FCER2: variants seen among roughly 807,000 people sequenced by gnomAD.
The protein encoded by FCER2 is Fc epsilon receptor II.
A neutral mutation model predicts 49.7 loss-of-function variants in FCER2; 38 were observed. The ratio of observed to expected loss-of-function variants is 0.76; its 90% CI spans 0.59 to 1.00. The LOEUF (loss-of-function observed/expected upper bound fraction) is 1.00, where lower values mean the gene tolerates loss of function less well. FCER2 is among the 50% of genes least tolerant of loss of function. FCER2 has a pLI of 0.00. For missense variants in FCER2, 425 were observed against 419.5 expected, an observed-to-expected ratio of 1.01 and a Z score of -0.11; for synonymous variants, 163 against 164.6, an observed-to-expected ratio of 0.99 and a Z score of 0.07.
chr19:7,689,633 ATTTT>A (rs532956881), intron 10 of FCER2, among the ~76,000 whole-genome samples: 331 of 151,992 alleles, frequency 2.2e-3, no homozygotes, highest in Non-Finnish European at 3.2e-3. Flanking sequence ...TTATTTATTT[ATTTT>A]GTTGAGACAG....
intron 2 of FCER2, 80 bp downstream of exon 2, chr19:7,699,659 G>GT: frequency 2.9e-6 from 4 of 1,395,820 alleles, no homozygotes; most frequent in Non-Finnish European, 4.1e-6. Context: ...GGACTGGGGA[G>GT]CCCCGCTTCT....
At chr19:7,693,304 G>A (rs2032929936) in intron 8 of FCER2, among the ~76,000 whole-genome samples, 1 of 152,138 alleles carries the variant, frequency 6.6e-6, no homozygotes, top group African/African-American at 2.4e-5. Context: ...TTGGTCAGGA[G>A]AGCCAATGGG....
Position 7,699,442 on chromosome 19 carries a change from G to A in FCER2, c.22+297C>T, listed in dbSNP as rs1383982208. On this transcript the variant is annotated intron_variant, in intron 2 of 10. Coordinates refer to ENST00000597921, the MANE Select transcript of FCER2 (RefSeq NM_001220500.2). ...CAAGTTCCTGTTCTATTTGGCCTCT[G>A]ACTCTATTGGGCTCCCCGCTCCCTA... 8 of 1,465,514 alleles carry A rather than the reference G, an allele frequency of 5.5e-6. No homozygotes were observed. In the East Asian group the frequency reaches 2.3e-4, roughly 42 times the overall value. The allele number at this position is 1,465,514 out of a possible 1,614,324, so 90.8% of individuals were successfully genotyped here.
At chr19:7,696,173 C>T (rs1188962619) in intron 8 of FCER2, among the ~76,000 whole-genome samples, 1 of 152,040 alleles carries the variant, frequency 6.6e-6, no homozygotes, top group Non-Finnish European at 1.5e-5. Flanking sequence ...GATCTTGGCT[C>T]ACTGCAACCT....
Position 7,695,411 on chromosome 19 carries a change from T to A in FCER2, c.469+1414A>T, listed in dbSNP as rs112061313. The stretch of plus-strand genomic sequence containing the variant: ...AGGAGAACCCAGCGAGGGTCAACAC[T>A]GGACTGCTTTAACGCAGAAGAGGAA... On this transcript the variant is annotated intron_variant, in intron 8 of 10. Coordinates refer to ENST00000597921, the MANE Select transcript of FCER2 (RefSeq NM_001220500.2). Among the ~76,000 whole-genome samples, 252 of 152,274 alleles carry A rather than the reference T, an allele frequency of 1.7e-3. 2 individuals are homozygous for A. The highest frequency in any genetic ancestry group is 5.8e-3 in the African/African-American group (241 of 41,558).
chr19:7,691,255 C>G (rs2032863689), intron 8 of FCER2, among the ~76,000 whole-genome samples: 1 of 152,108 alleles, frequency 6.6e-6, no homozygotes, highest in Non-Finnish European at 1.5e-5. Flanking sequence ...ACAAGCACCA[C>G]CATGGCCAGA....
At chr19:7,689,765 G>A (rs1187246980) in intron 10 of FCER2, among the ~76,000 whole-genome samples, 6 of 152,184 alleles carry the variant, frequency 3.9e-5, no homozygotes, top group Admixed American at 1.3e-4. Context: ...GATTACAGGC[G>A]CCCGCCATCA....
chr19:7,696,167 T>C (rs939069308), intron 8 of FCER2, among the ~76,000 whole-genome samples: 2 of 152,086 alleles, frequency 1.3e-5, no homozygotes, highest in African/African-American at 4.8e-5. Context: ...TGGCGTGATC[T>C]TGGCTCACTG....
Position 7,699,921 on chromosome 19 carries a change from G to C in FCER2, c.-85-76C>G. ...CAGCACAGGATAGCATCTGGGACTT[G>C]GTGGCACTCAGGGGCCATTTGCTGA... On this transcript the variant is annotated intron_variant, in intron 1 of 10. Transcript: ENST00000597921. 4.3e-6 allele frequency: 3 copies of C among 705,190 alleles called. No homozygotes were observed. The South Asian group carries it at 4.9e-5, about 12-fold the overall frequency. 43.7% of individuals were successfully genotyped at this position (705,190 alleles called of 1,614,324 possible).
Position 7,691,043 on chromosome 19 carries a change from A to G in FCER2, c.470-486T>C, listed in dbSNP as rs73921525. Among the ~76,000 whole-genome samples, 759 of 152,242 alleles carry G rather than the reference A, an allele frequency of 5.0e-3. 5 individuals carry two copies. The highest frequency in any genetic ancestry group is 0.017 in the African/African-American group (722 of 41,520). On this transcript the variant is annotated intron_variant, in intron 8 of 10. Transcript: ENST00000597921. ...TGCATTCACGTCCAACAACGCTTCA[A>G]CCACCATTATCACCACAGACACCTC...
chr19:7,689,683 GA>G (rs977160121), intron 10 of FCER2, among the ~76,000 whole-genome samples: 1 of 152,024 alleles, frequency 6.6e-6, no homozygotes, highest in Non-Finnish European at 1.5e-5. Flanking sequence ...TGCAGTGCGC[GA>G]TCTCAGCTCA....
chr19:7,690,087 G>A, intron 10 of FCER2, 72 bp downstream of exon 10: 1 of 988,958 alleles, frequency 1.0e-6, no homozygotes, highest in Non-Finnish European at 1.6e-6. Context: ...TTCCGATGCA[G>A]TTTATCTAGG....
At chr19:7,699,459 C>G in intron 2 of FCER2, 1 of 1,461,784 alleles carries the variant, frequency 6.8e-7, no homozygotes, top group East Asian at 2.7e-5. Context: ...TTGGGCTCCC[C>G]GCTCCCTAGC....
chr19:7,697,040 C>T lies in FCER2; in HGVS notation c.352G>A (p.Ala118Thr). The change falls in exon 7 of 11, where the codon GCA becomes ACA. Residue 118 changes from alanine to threonine, a missense_variant. By Grantham distance (58) the Ala-to-Thr change is moderately conservative. Transcript: ENST00000597921. ...TGGGACTTGAAGCTGCTCAGATCTG[C>T]TTGAAGCCCGTTCAGGTTCCAGGAC... ...ELSWNLNGLQ[A>T]DLSSFKSQEL... 1 of 1,610,472 alleles carries T rather than the reference C, an allele frequency of 6.2e-7. No individual in the cohort carries two copies. The highest frequency in any genetic ancestry group is 8.5e-7 in the Non-Finnish European group (1 of 1,178,394).
intron 8 of FCER2, among the ~76,000 whole-genome samples, chr19:7,692,682 C>T (rs2032915331): frequency 1.0e-4 from 15 of 149,074 alleles, no homozygotes; most frequent in African/African-American, 3.6e-4. Flanking sequence ...ACGCCAATGT[C>T]ACCACAAACA....
chr19:7,689,267 C>A lies in FCER2; in HGVS notation c.892G>T (p.Glu298Ter), dbSNP rs139760424. 1 of 1,613,872 alleles carries A rather than the reference C, an allele frequency of 6.2e-7. No homozygotes were observed. The highest frequency in any genetic ancestry group is 1.1e-5 in the South Asian group (1 of 91,062). The change falls in exon 11 of 11, where the codon GAG (glutamate) becomes TAG (stop). Residue 298 changes from glutamate (E) to a stop codon, truncating the protein, a stop_gained. Transcript: ENST00000597921. LOFTEE classifies it high-confidence loss of function. ...CTPPASEGSA[E>*]SMGPDSRPDP... ...GGTCTTGAATCAGGTCCCATGGACT[C>A]CGCGGAACCTTCGCTGGCTGGCGGC...
At chr19:7,700,738 C>T (rs1184849167) in intron 1 of FCER2, among the ~76,000 whole-genome samples, 1 of 152,070 alleles carries the variant, frequency 6.6e-6, no homozygotes, top group African/African-American at 2.4e-5. Flanking sequence ...TAGTCTCAAA[C>T]TCCTGACCTC....
At chr19:7,693,953 ATT>A (rs368201774) in intron 8 of FCER2, among the ~76,000 whole-genome samples, 49 of 140,476 alleles carry the variant, frequency 3.5e-4, no homozygotes, top group East Asian at 8.7e-4. Flanking sequence ...CCAGCCACAG[ATT>A]TTTTTTTTTT....
intron 8 of FCER2, among the ~76,000 whole-genome samples, chr19:7,695,117 T>G (rs905387561): frequency 6.6e-6 from 1 of 152,166 alleles, no homozygotes; most frequent in Admixed American, 6.5e-5. Flanking sequence ...ACTATAGGCG[T>G]GAGCCAGTGC....
Sources: gnomAD v4.1 joint callset for allele counts (sites outside exome capture counted in the v4.1 genomes callset) on GRCh38, gnomAD v4.1.1 for gene constraint, MANE v1.5 for transcripts, NCBI Gene and HGNC (gene_info 2026-07-23, HGNC 2026-07-21) for gene names.